Variants in ZNF568 observed in about 807,000 individuals in gnomAD.
The protein encoded by ZNF568 is zinc finger protein 568, also known as p53 inhibitor of SCO2 activation.
In ZNF568, 11 loss-of-function variants were observed where a neutral mutation model predicts 18.1. The observed-to-expected ratio is 0.61, with a 90% CI of 0.38 to 1.00. ZNF568 has a LOEUF of 1.00. Among genes scored for constraint, ZNF568 ranks in the 50% least tolerant of loss-of-function variants. ZNF568 has a pLI of 0.01. For synonymous variants in ZNF568, 213 were observed against 246.6 expected (o/e 0.86, Z 1.28); for missense variants, 639 against 768.2 (o/e 0.83, Z 1.99).
chr19:36,943,921 G>A (rs563797751), intron 6 of ZNF568, among the ~76,000 whole-genome samples: 27 of 152,138 alleles, frequency 1.8e-4, no homozygotes, highest in African/African-American at 6.3e-4. Context: ...GGGATCTTTA[G>A]TTAATCTTGT....
At chr19:36,957,473 C>T (rs2074116829), downstream of ZNF568, among the ~76,000 whole-genome samples, 1 of 152,134 alleles carries the variant, frequency 6.6e-6, no homozygotes, top group South Asian at 2.1e-4. Context: ...CTCAGGTGAT[C>T]CGCCTCAGCC....
At chr19:36,974,810 G>T (rs1412220189) in intron 7 of ZNF568, among the ~76,000 whole-genome samples, 1 of 148,428 alleles carries the variant, frequency 6.7e-6, no homozygotes, top group Non-Finnish European at 1.5e-5. Flanking sequence ...ATATGCAATA[G>T]CCTTTTTGCT....
intron 6 of ZNF568, among the ~76,000 whole-genome samples, chr19:36,964,471 T>C (rs968815834): frequency 1.3e-5 from 2 of 152,234 alleles, no homozygotes; most frequent in Admixed American, 6.5e-5. Context: ...ACCCATTAAG[T>C]GTTCTCTGAA....
chr19:36,939,375 G>A (rs1027848942), intron 6 of ZNF568, among the ~76,000 whole-genome samples: 10 of 152,102 alleles, frequency 6.6e-5, no homozygotes, highest in South Asian at 2.1e-4. Context: ...CTGTTTTAGA[G>A]AACTCTGTTC....
rs1293353710 is a variant in ZNF568 at position 36,936,613 on chromosome 19, T to G, written c.136-133T>G. ...CCATTATTTCTTTGAATGTTTTTTC[T>G]GCACCTTTCTCTCTTCTTCTTCTAG... On this transcript the variant is annotated intron_variant, in intron 4 of 6. Coordinates refer to ENST00000333987, the MANE Select transcript of ZNF568 (RefSeq NM_198539.4). 23 of 782,174 alleles carry G rather than the reference T, an allele frequency of 2.9e-5. No homozygotes were observed. The East Asian group carries it at 6.3e-4, about 21-fold the overall frequency. 48.5% of individuals were successfully genotyped at this position (782,174 alleles called of 1,614,324 possible).
At chr19:36,918,803 C>G (rs1203843814) in intron 2 of ZNF568, among the ~76,000 whole-genome samples, 2 of 152,120 alleles carry the variant, frequency 1.3e-5, no homozygotes, top group Non-Finnish European at 2.9e-5. Context: ...CCCCCCTTTC[C>G]CCCGGCCTAT....
chr19:36,935,367 C>T (rs778963484), intron 4 of ZNF568, among the ~76,000 whole-genome samples: 13 of 152,104 alleles, frequency 8.5e-5, no homozygotes, highest in Non-Finnish European at 7.4e-5. Flanking sequence ...AAAGACCAGC[C>T]TGGCCAAGAT....
chr19:36,958,081 G>T (rs1041147483), intron 6 of ZNF568, among the ~76,000 whole-genome samples: 1 of 152,158 alleles, frequency 6.6e-6, no homozygotes, highest in Non-Finnish European at 1.5e-5. Context: ...GAGATTAATA[G>T]ATTTTCAAAG....
At chr19:36,976,005 T>C (rs540040948) in intron 7 of ZNF568, among the ~76,000 whole-genome samples, 21 of 152,282 alleles carry the variant, frequency 1.4e-4, no homozygotes, top group African/African-American at 4.1e-4. Context: ...CAATTTCTTA[T>C]AACCTGGAAT....
chr19:36,937,569 T>A lies in ZNF568; in HGVS notation c.358+327T>A, dbSNP rs547787490. On this transcript the variant is annotated intron_variant, in intron 6 of 6. Coordinates refer to ENST00000333987, the MANE Select transcript of ZNF568 (RefSeq NM_198539.4). ...GGGCACTCTCTTTCCTTTATGTTTATGGTTTCATTTTCTTATGCATTCAGT... is the reference window on the plus strand; with the variant it reads ...GGGCACTCTCTTTCCTTTATGTTTAAGGTTTCATTTTCTTATGCATTCAGT... 2.0e-5 allele frequency among the ~76,000 whole-genome samples: 3 copies of A among 152,222 alleles called. No homozygotes were observed. The South Asian group carries it at 6.2e-4, about 31-fold the overall frequency.
intron 6 of ZNF568, among the ~76,000 whole-genome samples, chr19:36,942,190 C>T (rs763444257): frequency 6.6e-6 from 1 of 150,788 alleles, no homozygotes; most frequent in Non-Finnish European, 1.5e-5. Flanking sequence ...CCATGTTAGT[C>T]AGGCTAGTCT....
intron 2 of ZNF568, among the ~76,000 whole-genome samples, chr19:36,920,077 G>C (rs2073425638): frequency 6.6e-6 from 1 of 152,132 alleles, no homozygotes; most frequent in South Asian, 2.1e-4. Flanking sequence ...AGCTCTGTGT[G>C]TGTTATTGTC....
intron 6 of ZNF568, among the ~76,000 whole-genome samples, chr19:36,969,581 G>A (rs1255433763): frequency 1.3e-5 from 2 of 151,860 alleles, no homozygotes; most frequent in African/African-American, 2.4e-5. Flanking sequence ...TAGGTTCTAG[G>A]GGAGAATCTA....
At chr19:36,941,914 A>C (rs976876549) in intron 6 of ZNF568, among the ~76,000 whole-genome samples, 7 of 147,214 alleles carry the variant, frequency 4.8e-5, no homozygotes, top group African/African-American at 1.8e-4. Flanking sequence ...ATTATTTTTG[A>C]CTTTTTTTAA....
Position 36,949,389 on chromosome 19 carries a change from T to TA in ZNF568, c.359-123_359-122insA. The TA allele has an allele frequency of 2.9e-6, 3 of 1,043,630 alleles. No individual in the cohort carries two copies. The South Asian group carries it at 5.5e-5, about 19-fold the overall frequency. 64.6% of individuals were successfully genotyped at this position (1,043,630 alleles called of 1,614,324 possible). On this transcript the variant is annotated intron_variant, in intron 6 of 6. Coordinates refer to ENST00000333987, the MANE Select transcript of ZNF568 (RefSeq NM_198539.4). ...TAGGAACATTTACTCTTAGCTTTCTTTTGTATTGGTTGACTAGGCCAACAT... is the reference window on the plus strand; with the variant it reads ...TAGGAACATTTACTCTTAGCTTTCTTATTGTATTGGTTGACTAGGCCAACAT...
At chr19:36,932,519 G>A (rs2073704889) in intron 4 of ZNF568, among the ~76,000 whole-genome samples, 1 of 152,168 alleles carries the variant, frequency 6.6e-6, no homozygotes, top group South Asian at 2.1e-4. Context: ...GAACCTGGTA[G>A]GCAGAGGTTG....
chr19:36,983,459 A>G (rs751348699), downstream of ZNF568, among the ~76,000 whole-genome samples: 44 of 152,120 alleles, frequency 2.9e-4, no homozygotes, highest in Admixed American at 2.6e-4. Context: ...TCGTTTTCTT[A>G]GTATGTATTC....
At chr19:36,966,580 A>G (rs1198917432) in intron 6 of ZNF568, among the ~76,000 whole-genome samples, 2 of 152,186 alleles carry the variant, frequency 1.3e-5, no homozygotes, top group African/African-American at 4.8e-5. Context: ...AACCTTTTCA[A>G]CACCAGTCTG....
At position 36,934,681 on chromosome 19, in the gene ZNF568, G is replaced by A. The variant is rs772476904; in HGVS notation, c.136-2065G>A. Among the ~76,000 whole-genome samples, 9 of 152,114 alleles carry A rather than the reference G, an allele frequency of 5.9e-5. No homozygotes were observed. In the South Asian group the frequency reaches 6.2e-4, roughly 11 times the overall value. On this transcript the variant is annotated intron_variant, in intron 4 of 6. Transcript: ENST00000333987. ...TCTTTCTTCTTTTTTAATAAAGTGT[G>A]TACAGCTATAGGTTTCCCTCTAAAA...
Sources: gnomAD v4.1 joint callset for allele counts (sites outside exome capture counted in the v4.1 genomes callset) on GRCh38, gnomAD v4.1.1 for gene constraint, MANE v1.5 for transcripts, NCBI Gene and HGNC (gene_info 2026-07-23, HGNC 2026-07-21) for gene names.